The following SLC7A10 variants were observed in gnomAD, a reference collection of about 807,000 sequenced individuals.
SLC7A10 encodes the protein asc-type amino acid transporter 1.
A neutral mutation model predicts 52.7 loss-of-function variants in SLC7A10; 30 were observed. The ratio of observed to expected loss-of-function variants is 0.57; its 90% CI spans 0.43 to 0.77. The LOEUF is 0.77. SLC7A10 is among the 30% of genes least tolerant of loss of function. The pLI is 0.00. For missense variants in SLC7A10, 581 were observed against 698.5 expected (o/e 0.83, Z 1.90); for synonymous variants, 318 against 314.9 (o/e 1.01, Z -0.10).
Position 33,211,505 on chromosome 19 carries a change from G to A in SLC7A10, c.821C>T (p.Pro274Leu). 1 of 1,614,176 alleles carries A rather than the reference G, an allele frequency of 6.2e-7. No individual in the cohort carries two copies. Among genetic ancestry groups the A allele is most frequent in the Non-Finnish European group, 8.5e-7 (1 of 1,180,040 alleles). Residue 274 changes from proline (P) to leucine (L), a missense_variant, in exon 6 of 11, where the codon CCA (proline) becomes CTA (leucine). Transcript: ENST00000253188. ...GAACGTGTACACGAAGGTCACCAGT[G>A]GGATGGAGATGAAGATGGCGCGAGG... ...NLPRAIFISI[P>L]LVTFVYTFTN...
rs1974543248 is a variant in SLC7A10 at position 33,211,213 on chromosome 19, C to T, written c.1016+12G>A. 2 of 1,612,536 alleles carry T rather than the reference C, an allele frequency of 1.2e-6. No homozygotes were observed. The highest frequency in any genetic ancestry group is 3.3e-5 in the Admixed American group (2 of 60,006). The stretch of plus-strand genomic sequence containing the variant: ...TTCCCTCCCCATGCCCACGTCTCCC[C>T]AGTGCAGTCACCTGGAGTAGGTGAA... On this transcript the variant is annotated intron_variant, in intron 7 of 10. Transcript: ENST00000253188.
Position 33,209,872 on chromosome 19 carries a change from T to C in SLC7A10, c.1264-387A>G, listed in dbSNP as rs544789925. On this transcript the variant is annotated intron_variant, in intron 9 of 10. Coordinates refer to ENST00000253188, the MANE Select transcript of SLC7A10 (RefSeq NM_019849.3). Reference sequence around the variant, plus strand: ...TTTTAGCTCAGGCTATGGTCTTCTGTTTTTGTGTGGGCTCATGAAATCCTG... The same window carrying C: ...TTTTAGCTCAGGCTATGGTCTTCTGCTTTTGTGTGGGCTCATGAAATCCTG... 2.6e-5 allele frequency among the ~76,000 whole-genome samples: 4 copies of C among 152,266 alleles called. No homozygotes were observed. In the East Asian group the frequency reaches 5.8e-4, roughly 22 times the overall value.
chr19:33,225,657 G>T lies in SLC7A10; in HGVS notation c.47C>A (p.Pro16His). Residue 16 changes from proline (P) to histidine (H), a missense_variant, in exon 1 of 11, where the codon CCT (proline) becomes CAT (histidine). Physicochemically the swap from Pro to His is moderately conservative, Grantham distance 77. Coordinates refer to ENST00000253188, the MANE Select transcript of SLC7A10 (RefSeq NM_019849.3). Reference sequence around the variant, plus strand: ...TGGGACTGGGGAGGGCGAGGGCGCAGGCCTGGGGTTCCCGCGCCCGCTCGG... The same window carrying T: ...TGGGACTGGGGAGGGCGAGGGCGCATGCCTGGGGTTCCCGCGCCCGCTCGG... ...QQPSGRGNPRPAPSPSPVPGT... is the reference protein window; with the variant it reads ...QQPSGRGNPRHAPSPSPVPGT... 1 of 1,573,914 alleles carries T rather than the reference G, an allele frequency of 6.4e-7. No homozygotes were observed. The highest frequency in any genetic ancestry group is 8.5e-7 in the Non-Finnish European group (1 of 1,170,278).
rs555341323 is a variant in SLC7A10 at position 33,212,719 on chromosome 19, C to T, written c.509-80G>A. On this transcript the variant is annotated intron_variant, in intron 3 of 10. Coordinates refer to ENST00000253188, the MANE Select transcript of SLC7A10 (RefSeq NM_019849.3). ...ATGGCCAAGTCCAGCCCAGGCGGCC[C>T]GAGAATGGCATCCCCTATAGCAGCT... 345 of 1,611,114 alleles carry T rather than the reference C, an allele frequency of 2.1e-4. 1 individual carries two copies. The highest frequency in any genetic ancestry group is 2.0e-3 in the African/African-American group (149 of 75,010).
At chr19:33,209,622 C>G in intron 9 of SLC7A10, 137 bp from the exon 10 acceptor site, 4 of 870,592 alleles carry the variant, frequency 4.6e-6, no homozygotes, top group Non-Finnish European at 6.9e-6. Context: ...ACTACACCCC[C>G]TCTTGGCGAC....
At chr19:33,213,137 TC>T in intron 2 of SLC7A10, 135 bp from the exon 3 acceptor site, 1 of 1,168,550 alleles carries the variant, frequency 8.6e-7, no homozygotes, top group Non-Finnish European at 1.2e-6. Context: ...CCAGCACCGG[TC>T]CAGGGAGGCA....
At chr19:33,216,304 G>T (rs994509677) in intron 1 of SLC7A10, among the ~76,000 whole-genome samples, 3 of 152,174 alleles carry the variant, frequency 2.0e-5, no homozygotes, top group Non-Finnish European at 4.4e-5. Flanking sequence ...AAGTGAGGAG[G>T]CTGAACCACC....
At position 33,210,897 on chromosome 19, in the gene SLC7A10, G is replaced by A. The variant is rs1189175655; in HGVS notation, c.1018C>T (p.Leu340=). ...INGYLFTYSR[L]CFSGAREGHL... ...CCCTCGCGGGCTCCAGAGAAGCACA[G>A]CCTAGCGTTGGGGACAGATATGGGC... Residue 340 remains leucine (L), a splice_region_variant and synonymous_variant, in exon 8 of 11, where the codon CTG becomes TTG. Coordinates refer to ENST00000253188, the MANE Select transcript of SLC7A10 (RefSeq NM_019849.3). The surrounding 1 kb of genome is among the most constrained non-coding windows in gnomAD (Gnocchi z 5.6). 1 of 1,613,178 alleles carries A rather than the reference G, an allele frequency of 6.2e-7. No individual in the cohort carries two copies. Among genetic ancestry groups the A allele is most frequent in the Admixed American group, 1.7e-5 (1 of 60,028 alleles).
intron 7 of SLC7A10, 107 bp downstream of exon 7, chr19:33,211,118 A>T (rs1012571708): frequency 1.7e-6 from 2 of 1,147,056 alleles, no homozygotes; most frequent in African/African-American, 3.1e-5. Flanking sequence ...AGCTTCAGGC[A>T]GACCCCTCCC....
rs993787327 is a variant in SLC7A10 at position 33,225,760 on chromosome 19, CCCGTCGGT to C, written c.-65_-58del. 4.8e-6 allele frequency: 7 copies of C among 1,446,850 alleles called. No homozygotes were observed. In the South Asian group the frequency reaches 8.0e-5, roughly 17 times the overall value. The allele number at this position is 1,446,850 out of a possible 1,614,324, so 89.6% of individuals were successfully genotyped here. Reference sequence around the variant, plus strand: ...GCTGCCCCGTCTGTCCGGCCGGCCGCCCGTCGGTCCGTCGGTCCGTGAGCTCACGGCCC... The same window carrying C: ...GCTGCCCCGTCTGTCCGGCCGGCCGCCCGTCGGTCCGTGAGCTCACGGCCC... On this transcript the variant is annotated 5_prime_UTR_variant, in exon 1 of 11. Coordinates refer to ENST00000253188, the MANE Select transcript of SLC7A10 (RefSeq NM_019849.3).
chr19:33,223,325 A>AAAAAG (rs1974853387), intron 1 of SLC7A10, among the ~76,000 whole-genome samples: 2 of 142,306 alleles, frequency 1.4e-5, no homozygotes, highest in Admixed American at 7.0e-5. Context: ...AAAAAAAAAA[A>AAAAAG]AAAGAAAGAA....
intron 1 of SLC7A10, among the ~76,000 whole-genome samples, chr19:33,225,349 G>A (rs1974898875): frequency 6.6e-6 from 1 of 152,238 alleles, no homozygotes. Flanking sequence ...AGGTGCAGGC[G>A]GCCGGGAGGT....
chr19:33,215,057 GGAGTTCAA>G (rs1396492613), intron 2 of SLC7A10, among the ~76,000 whole-genome samples: 1 of 152,120 alleles, frequency 6.6e-6, no homozygotes, highest in Non-Finnish European at 1.5e-5. Flanking sequence ...CCTGAGGTCA[GGAGTTCAA>G]GACCAGCCTG....
In SLC7A10 at chr19:33,215,630, ACCCCCCACACCTTCTCTCCATCC is replaced by A. The variant is rs1424627037; in HGVS notation, c.356+116_356+138del. The stretch of plus-strand genomic sequence containing the variant: ...CAGCCCCCACACCTTCTCTCCATCC[ACCCCCCACACCTTCTCTCCATCC>A]ACCCCCACGACCTCCCTAGGAAGCC... On this transcript the variant is annotated intron_variant, in intron 2 of 10. Coordinates refer to ENST00000253188, the MANE Select transcript of SLC7A10 (RefSeq NM_019849.3). 526 of 289,090 alleles carry A rather than the reference ACCCCCCACACCTTCTCTCCATCC, an allele frequency of 1.8e-3. 2 individuals are homozygous for A. Among genetic ancestry groups the A allele is most frequent in the Middle Eastern group, 4.9e-3 (4 of 810 alleles). 17.9% of individuals were successfully genotyped at this position (289,090 alleles called of 1,614,324 possible).
chr19:33,215,404 G>C (rs1337844093), intron 2 of SLC7A10, among the ~76,000 whole-genome samples: 16 of 152,104 alleles, frequency 1.1e-4, no homozygotes, highest in Admixed American at 6.5e-5. Flanking sequence ...ATTACCTAGG[G>C]TTTTCAGACA....
chr19:33,224,209 C>T (rs1974874828), intron 1 of SLC7A10, among the ~76,000 whole-genome samples: 1 of 152,170 alleles, frequency 6.6e-6, no homozygotes, highest in African/African-American at 2.4e-5. Flanking sequence ...TTCCCCTTCC[C>T]TGGAGGACAG....
chr19:33,212,132 C>G lies in SLC7A10; in HGVS notation c.788+160G>C, dbSNP rs576392888. The G allele has an allele frequency of 8.9e-4, 898 of 1,009,298 alleles. 8 individuals are homozygous for G. The African/African-American group carries it at 0.013, about 15-fold the overall frequency. 62.5% of individuals were successfully genotyped at this position (1,009,298 alleles called of 1,614,324 possible). ...GAACAGGGCCAGGCTAGAATGCAAG[C>G]CCCCCGGCTTTCTTCCCAGGGCCAT... On this transcript the variant is annotated intron_variant, in intron 5 of 10. Coordinates refer to ENST00000253188, the MANE Select transcript of SLC7A10 (RefSeq NM_019849.3).
rs568990889 is a variant in SLC7A10 at position 33,214,436 on chromosome 19, C to T, written c.356+1333G>A. ...TGCTATGCTGGCTGCCCTATCCTCTCGAATCAGGCTCCTAAACGATTTTAG... is the reference window on the plus strand; with the variant it reads ...TGCTATGCTGGCTGCCCTATCCTCTTGAATCAGGCTCCTAAACGATTTTAG... On this transcript the variant is annotated intron_variant, in intron 2 of 10. Coordinates refer to ENST00000253188, the MANE Select transcript of SLC7A10 (RefSeq NM_019849.3). 1.1e-4 allele frequency among the ~76,000 whole-genome samples: 16 copies of T among 152,338 alleles called. 1 individual carries two copies. The highest frequency in any genetic ancestry group is 4.1e-4 in the South Asian group (2 of 4,830).
chr19:33,209,839 G>A (rs1375625863), intron 9 of SLC7A10, among the ~76,000 whole-genome samples: 1 of 152,166 alleles, frequency 6.6e-6, no homozygotes, highest in East Asian at 1.9e-4. Context: ...ACACATGGGG[G>A]GCTTTGCTTT....
Sources: gnomAD v4.1 joint callset for allele counts (sites outside exome capture counted in the v4.1 genomes callset) on GRCh38, gnomAD v4.1.1 for gene constraint, Gnocchi (gnomAD v3.1) non-coding constraint, MANE v1.5 for transcripts, NCBI Gene and HGNC (gene_info 2026-07-23, HGNC 2026-07-21) for gene names.